Variants in BATF2 observed in about 807,000 individuals in gnomAD.
BATF2 encodes basic leucine zipper transcriptional factor ATF-like 2.
In BATF2, 4 loss-of-function variants were observed where a neutral mutation model predicts 7.3. That is an observed-to-expected ratio of 0.55 (90% confidence interval 0.27 to 1.26). The LOEUF is 1.26. Ranked by LOEUF, BATF2 falls within the 50% of genes most tolerant of loss-of-function variation. The pLI, the probability that BATF2 is intolerant of heterozygous loss-of-function variation, is 0.11. For missense variants in BATF2, 295 were observed against 340.5 expected (o/e 0.87, Z 1.05); for synonymous variants, 152 against 153.9 (o/e 0.99, Z 0.09).
intron 2 of BATF2, among the ~76,000 whole-genome samples, chr11:64,992,921 C>T (rs950388240): frequency 3.4e-5 from 5 of 147,180 alleles, no homozygotes; most frequent in African/African-American, 5.0e-5. Flanking sequence ...CACTTTGGGA[C>T]GTGGAGGTGG....
chr11:64,989,917 AC>A lies in BATF2; in HGVS notation c.142-106del. The stretch of plus-strand genomic sequence containing the variant: ...TCCTCAACTTCAGGAGAAAGATGCC[AC>A]CACCATTGGAATAGCCAAGTGGGGT... On this transcript the variant is annotated intron_variant, in intron 2 of 2. Coordinates refer to ENST00000301887, the MANE Select transcript of BATF2 (RefSeq NM_138456.4). This position sits in a 1 kb window ranked among gnomAD's most constrained non-coding sequence, Gnocchi z 4.3. The A allele has an allele frequency of 6.9e-7, 1 of 1,457,474 alleles. No individual in the cohort carries two copies. Among genetic ancestry groups the A allele is most frequent in the Non-Finnish European group, 9.4e-7 (1 of 1,064,826 alleles). The allele number at this position is 1,457,474 out of a possible 1,614,324, so 90.3% of individuals were successfully genotyped here.
chr11:64,989,359 G>T lies in BATF2; in HGVS notation c.595C>A (p.Leu199Ile). 1.3e-6 allele frequency: 2 copies of T among 1,572,260 alleles called. No homozygotes were observed. Among genetic ancestry groups the T allele is most frequent in the Non-Finnish European group, 1.7e-6 (2 of 1,158,516 alleles). The change falls in exon 3 of 3, where the codon CTC becomes ATC. Residue 199 changes from leucine (L) to isoleucine (I), a missense_variant. Leu to Ile is a conservative substitution (Grantham distance 5). Transcript: ENST00000301887. The surrounding 1 kb of genome is among the most constrained non-coding windows in gnomAD (Gnocchi z 4.3). ...TGTGGAGGGGCAGTTTGGGCCGTGA[G>T]GCTGGGCTGGAGGGCACTGAGCTTA... ...SSKLSALQPS[L>I]TAQTAPPQPL... is the part of the protein sequence containing the mutation.
In BATF2 at chr11:64,989,283, T is replaced by A; in HGVS notation, c.671A>T (p.Asp224Val). The A allele has an allele frequency of 6.3e-7, 1 of 1,597,842 alleles. No individual in the cohort carries two copies. The highest frequency in any genetic ancestry group is 8.5e-7 in the Non-Finnish European group (1 of 1,171,212). ...AAGCCCCAGGGCAGAGGAAGGGTTGTCGGGAGAGGACCCCAGCTTCCCTCT... is the reference window on the plus strand; with the variant it reads ...AAGCCCCAGGGCAGAGGAAGGGTTGACGGGAGAGGACCCCAGCTTCCCTCT... ...PTRGKLGSSPDNPSSALGLAR... is the reference protein window; with the variant it reads ...PTRGKLGSSPVNPSSALGLAR... The change falls in exon 3 of 3, where the codon GAC (aspartate) becomes GTC (valine). Residue 224 changes from aspartate to valine, a missense_variant. Physicochemically the swap from Asp to Val is radical, Grantham distance 152. Transcript: ENST00000301887. This position sits in a 1 kb window ranked among gnomAD's most constrained non-coding sequence, Gnocchi z 4.3.
At chr11:64,990,229 G>A (rs1946065450) in intron 2 of BATF2, 9 of 1,535,120 alleles carry the variant, frequency 5.9e-6, no homozygotes, top group East Asian at 2.4e-5. Context: ...CCTGTGTAGT[G>A]GCTGCAGCTC....
chr11:64,990,460 G>A (rs992858789), intron 2 of BATF2: 8 of 1,272,470 alleles, frequency 6.3e-6, no homozygotes, highest in African/African-American at 3.0e-5. Flanking sequence ...CCCAGAACTC[G>A]CCCCTACGAG....
At chr11:64,994,257 C>A (rs900161311) in intron 2 of BATF2, among the ~76,000 whole-genome samples, 191 bp downstream of exon 2, 6 of 152,184 alleles carry the variant, frequency 3.9e-5, no homozygotes, top group African/African-American at 1.4e-4. Context: ...GTGTACCTGG[C>A]ACATGGTTTG....
chr11:64,994,703 T>G (rs1026971661), intron 1 of BATF2, among the ~76,000 whole-genome samples, 154 bp from the exon 2 acceptor site: 1 of 152,170 alleles, frequency 6.6e-6, no homozygotes, highest in Non-Finnish European at 1.5e-5. Context: ...ACACCCCCTA[T>G]AGCAGGCACT....
rs1256523206 is a variant in BATF2 at position 64,989,529 on chromosome 11, G to C, written c.425C>G (p.Pro142Arg). 3.8e-6 allele frequency: 6 copies of C among 1,595,434 alleles called. No homozygotes were observed. Among genetic ancestry groups the C allele is most frequent in the Middle Eastern group, 3.3e-4 (2 of 6,060 alleles). ...CTGGAGGAGGCTGGGAGAATCATGA[G>C]GCTGTGGACCTGGAGAGAGCGGCTG... Reference protein sequence around the residue: ...PAQPLSPGPQPHDSPSLLQCP... With the variant: ...PAQPLSPGPQRHDSPSLLQCP... The change falls in exon 3 of 3, where the codon CCT becomes CGT. Residue 142 changes from proline to arginine, a missense_variant. Pro to Arg is a moderately radical substitution (Grantham distance 103). Coordinates refer to ENST00000301887, the MANE Select transcript of BATF2 (RefSeq NM_138456.4). The surrounding 1 kb of genome is among the most constrained non-coding windows in gnomAD (Gnocchi z 4.3).
rs1271109510 is a variant in BATF2 at position 64,990,079 on chromosome 11, A to G, written c.142-267T>C. The G allele has an allele frequency of 2.0e-6, 3 of 1,535,868 alleles. No homozygotes were observed. The African/African-American group carries it at 4.1e-5, about 21-fold the overall frequency. On this transcript the variant is annotated intron_variant, in intron 2 of 2. Coordinates refer to ENST00000301887, the MANE Select transcript of BATF2 (RefSeq NM_138456.4). ...GAGCCGGTGCCATTTCTCACCTGGG[A>G]TATGCACGGGCCTCCAACCCGTGTG...
At chr11:64,996,321 A>AG (rs1337620653) in intron 1 of BATF2, among the ~76,000 whole-genome samples, 16 of 152,074 alleles carry the variant, frequency 1.1e-4, no homozygotes, top group Non-Finnish European at 2.4e-4. Context: ...CAGTGACATG[A>AG]GCTCAGCTTA....
chr11:64,991,108 C>T (rs1016965663), intron 2 of BATF2, among the ~76,000 whole-genome samples: 1 of 150,044 alleles, frequency 6.7e-6, no homozygotes, highest in African/African-American at 2.5e-5. Flanking sequence ...AGCCTGAAAG[C>T]CACCAGCCCC....
chr11:64,991,734 T>C (rs746870820), intron 2 of BATF2, among the ~76,000 whole-genome samples: 7 of 151,962 alleles, frequency 4.6e-5, no homozygotes, highest in Non-Finnish European at 7.4e-5. Context: ...GCCCTGTGGG[T>C]GGGGCTGGGG....
intron 1 of BATF2, among the ~76,000 whole-genome samples, chr11:64,996,571 A>G (rs1196609544): frequency 6.6e-6 from 1 of 152,184 alleles, no homozygotes; most frequent in Non-Finnish European, 1.5e-5. Flanking sequence ...GAAGGAAGGA[A>G]AGGCTGCTGT....
intron 2 of BATF2, among the ~76,000 whole-genome samples, chr11:64,991,902 G>A (rs1461020184): frequency 6.6e-6 from 1 of 152,186 alleles, no homozygotes; most frequent in African/African-American, 2.4e-5. Flanking sequence ...CTCTCACCTG[G>A]TCTACAGGGT....
intron 2 of BATF2, among the ~76,000 whole-genome samples, chr11:64,993,218 G>A (rs1946089549): frequency 6.6e-6 from 1 of 151,976 alleles, no homozygotes; most frequent in African/African-American, 2.4e-5. Flanking sequence ...AAATTAGGTG[G>A]GCGTAGTGGC....
At position 64,996,958 on chromosome 11, in the gene BATF2, T is replaced by A. The variant is rs1186541478; in HGVS notation, c.-44A>T. On this transcript the variant is annotated 5_prime_UTR_variant, in exon 1 of 3. Coordinates refer to ENST00000301887, the MANE Select transcript of BATF2 (RefSeq NM_138456.4). ...GAGTGGTCCCTCAGCAGCTGTGACT[T>A]CCCAGTGCCCTCTGGAGGCCTAAGG... 6.5e-7 allele frequency: 1 copy of A among 1,537,974 alleles called. No individual in the cohort carries two copies. Among genetic ancestry groups the A allele is most frequent in the Non-Finnish European group, 8.8e-7 (1 of 1,139,446 alleles).
chr11:64,989,158 G>A lies in BATF2; in HGVS notation c.796C>T (p.Leu266=), dbSNP rs1384760267. Residue 266 remains leucine (L), a synonymous_variant, in exon 3 of 3, where the codon CTG becomes TTG. Transcript: ENST00000301887. The surrounding 1 kb of genome is among the most constrained non-coding windows in gnomAD (Gnocchi z 4.3). ...PSPHPLLAFP[L]LSSAQVHF ...AAGTGGACTTGAGCAGAGGAGAGCA[G>A]AGGAAAGGCCAGGAGAGGGTGAGGG... 1 of 1,614,094 alleles carries A rather than the reference G, an allele frequency of 6.2e-7. No individual in the cohort carries two copies. The highest frequency in any genetic ancestry group is 1.3e-5 in the African/African-American group (1 of 74,936).
Position 64,989,841 on chromosome 11 carries a change from GAA to G in BATF2, c.142-31_142-30del, listed in dbSNP as rs1474992328. The G allele has an allele frequency of 6.2e-7, 1 of 1,611,080 alleles. No homozygotes were observed. The highest frequency in any genetic ancestry group is 8.5e-7 in the Non-Finnish European group (1 of 1,178,764). ...CAGAGAAGCAGATGGGCGGGGAGGG[GAA>G]CCTCAGCCAGTGTCAGGGGCCCCGC... On this transcript the variant is annotated intron_variant, in intron 2 of 2. Coordinates refer to ENST00000301887, the MANE Select transcript of BATF2 (RefSeq NM_138456.4). This position sits in a 1 kb window ranked among gnomAD's most constrained non-coding sequence, Gnocchi z 4.3.
At chr11:64,995,713 T>C (rs940241990) in intron 1 of BATF2, among the ~76,000 whole-genome samples, 5 of 152,060 alleles carry the variant, frequency 3.3e-5, no homozygotes, top group African/African-American at 1.2e-4. Flanking sequence ...CTGGGGTATG[T>C]GTTTTGAGGG....
Sources: gnomAD v4.1 joint callset for allele counts (sites outside exome capture counted in the v4.1 genomes callset) on GRCh38, gnomAD v4.1.1 for gene constraint, Gnocchi (gnomAD v3.1) non-coding constraint, MANE v1.5 for transcripts, NCBI Gene and HGNC (gene_info 2026-07-23, HGNC 2026-07-21) for gene names.